The following PRMT7 variants were observed in gnomAD, a reference collection of about 807,000 sequenced individuals.
The protein encoded by PRMT7 is protein arginine methyltransferase 7, also known as protein arginine N-methyltransferase 7.
PRMT7 carries 75 observed loss-of-function variants against 85.4 expected under a neutral mutation model. The observed-to-expected ratio is 0.88, with a 90% CI of 0.73 to 1.06. PRMT7 has a LOEUF of 1.06. Ranked by LOEUF, PRMT7 falls within the 50% of genes least tolerant of loss-of-function variation. The pLI is 0.00. For missense variants in PRMT7, 868 were observed against 915.2 expected, an observed-to-expected ratio of 0.95 and a Z score of 0.67; for synonymous variants, 397 against 359.5, an observed-to-expected ratio of 1.10 and a Z score of -1.18.
At chr16:68,329,213 T>C (rs753367879) in intron 6 of PRMT7, 39 bp downstream of exon 6, 5 of 1,457,892 alleles carry the variant, frequency 3.4e-6, no homozygotes, top group Non-Finnish European at 4.8e-6. Flanking sequence ...CTTTGCTTGC[T>C]CTTGTGTGAG....
chr16:68,330,570 A>G (rs1597262718), intron 6 of PRMT7, among the ~76,000 whole-genome samples: 2 of 151,780 alleles, frequency 1.3e-5, no homozygotes, highest in African/African-American at 4.8e-5. Context: ...AATCTGAAAC[A>G]TGTACAAAAG....
chr16:68,331,919 G>GT (rs2083964597), intron 6 of PRMT7, among the ~76,000 whole-genome samples: 1 of 151,882 alleles, frequency 6.6e-6, no homozygotes, highest in Non-Finnish European at 1.5e-5. Context: ...CACCATCTTT[G>GT]TTTTTTCTGG....
chr16:68,353,380 G>T, intron 15 of PRMT7, 112 bp from the exon 16 acceptor site: 1 of 1,556,128 alleles, frequency 6.4e-7, no homozygotes, highest in South Asian at 1.2e-5. Flanking sequence ...CTTCATACTT[G>T]GGGGTCTCTT....
chr16:68,311,186 C>T, intron 1 of PRMT7, 87 bp downstream of exon 1: 4 of 593,822 alleles, frequency 6.7e-6, no homozygotes, highest in East Asian at 2.9e-5. Context: ...AGGGTTTCGG[C>T]AGAGGAGCCT....
At chr16:68,317,296 G>A (rs544100369) in intron 3 of PRMT7, among the ~76,000 whole-genome samples, 1 of 151,302 alleles carries the variant, frequency 6.6e-6, no homozygotes, top group East Asian at 2.0e-4. Flanking sequence ...GGTCATGGAA[G>A]CAGCAAGAAC....
downstream of PRMT7, chr16:68,358,902 C>T (rs180890396): frequency 2.1e-3 from 316 of 152,694 alleles, 5 homozygotes; most frequent in Middle Eastern, 6.8e-3. Context: ...CACAATGAGA[C>T]ACGTGGGTGG....
chr16:68,342,704 A>G (rs933110987), intron 9 of PRMT7, among the ~76,000 whole-genome samples: 2 of 152,190 alleles, frequency 1.3e-5, no homozygotes, highest in Non-Finnish European at 2.9e-5. Context: ...CGACAGCAGC[A>G]TGTGAGACTA....
chr16:68,323,278 G>A (rs946900592), intron 4 of PRMT7, among the ~76,000 whole-genome samples: 57 of 149,418 alleles, frequency 3.8e-4, no homozygotes, highest in Non-Finnish European at 5.9e-5. Context: ...TAGTGCAGTG[G>A]TGTGATCTTA....
At position 68,322,405 on chromosome 16, in the gene PRMT7, C is replaced by G. The variant is rs894110808; in HGVS notation, c.132+943C>G. On this transcript the variant is annotated intron_variant, in intron 4 of 18. Transcript: ENST00000441236. ...TAGAGGCAGAGTTTCGCTGTATTGC[C>G]CAGGCTGGTCTTGATCCCCTGAGGT... 9 of 451,356 alleles carry G rather than the reference C, an allele frequency of 2.0e-5. No individual in the cohort carries two copies. The Middle Eastern group carries it at 1.7e-3, about 83-fold the overall frequency. 28.0% of individuals were successfully genotyped at this position (451,356 alleles called of 1,614,324 possible). A position where few individuals can be genotyped will look rare whatever the true frequency, so the allele number is the denominator to read the frequency against.
At chr16:68,347,329 G>C in intron 12 of PRMT7, 35 bp downstream of exon 12, 1 of 1,507,086 alleles carries the variant, frequency 6.6e-7, no homozygotes, top group East Asian at 2.5e-5. Flanking sequence ...CTCCTGATGT[G>C]GGCTTGTGAG....
At chr16:68,336,758 TCTCA>T (rs1251902409) in intron 6 of PRMT7, among the ~76,000 whole-genome samples, 2 of 152,134 alleles carry the variant, frequency 1.3e-5, no homozygotes, top group African/African-American at 4.8e-5. Context: ...TGAGACAGAG[TCTCA>T]CTCTGTCGCG....
chr16:68,326,340 G>A (rs2083114782), intron 5 of PRMT7, among the ~76,000 whole-genome samples: 1 of 152,098 alleles, frequency 6.6e-6, no homozygotes, highest in Non-Finnish European at 1.5e-5. Flanking sequence ...CCGCCTCCTG[G>A]GTTCAAGCAA....
At chr16:68,317,845 GA>G (rs1329528254) in intron 3 of PRMT7, among the ~76,000 whole-genome samples, 1 of 54,340 alleles carries the variant, frequency 1.8e-5, no homozygotes, top group Admixed American at 1.8e-4. Flanking sequence ...AAAAAAAAAA[GA>G]AAAAAAACCA....
chr16:68,349,321 T>G (rs1463796731), intron 14 of PRMT7, among the ~76,000 whole-genome samples: 1 of 119,022 alleles, frequency 8.4e-6, no homozygotes, highest in Non-Finnish European at 1.8e-5. Flanking sequence ...TTCCTTCTCA[T>G]GTGTGAATCA....
chr16:68,342,435 C>T (rs887754952), intron 9 of PRMT7, among the ~76,000 whole-genome samples: 9 of 152,128 alleles, frequency 5.9e-5, no homozygotes, highest in Non-Finnish European at 1.0e-4. Context: ...CTCACTTTTT[C>T]GCAAAGGCAG....
chr16:68,334,179 A>T (rs546851154), intron 6 of PRMT7, among the ~76,000 whole-genome samples: 1 of 152,324 alleles, frequency 6.6e-6, no homozygotes, highest in African/African-American at 2.4e-5. Context: ...TCCTGAGGTC[A>T]TGCACTGCGT....
At chr16:68,328,941 G>C (rs892030221) in intron 5 of PRMT7, 125 bp from the exon 6 acceptor site, 18 of 629,656 alleles carry the variant, frequency 2.9e-5, no homozygotes, top group Non-Finnish European at 4.7e-5. Context: ...TGCACATTTG[G>C]AGAATAAAGT....
chr16:68,343,120 C>T (rs1215009793), intron 9 of PRMT7, among the ~76,000 whole-genome samples: 1 of 152,064 alleles, frequency 6.6e-6, no homozygotes, highest in Non-Finnish European at 1.5e-5. Context: ...AGGAGAATCA[C>T]TTCAACCTGG....
chr16:68,350,057 T>C (rs892558950), intron 14 of PRMT7, among the ~76,000 whole-genome samples: 1 of 152,202 alleles, frequency 6.6e-6, no homozygotes, highest in Non-Finnish European at 1.5e-5. Flanking sequence ...AGGTACGCAG[T>C]GTGTGGTCTT....
Sources: allele counts gnomAD v4.1 joint callset (sites outside exome capture counted in the v4.1 genomes callset), GRCh38; gene constraint gnomAD v4.1.1; transcripts MANE v1.5; gene names NCBI Gene and HGNC (gene_info 2026-07-23, HGNC 2026-07-21).